Variants in DMD observed in about 807,000 individuals in gnomAD.
DMD encodes the protein dystrophin.
In DMD, 63 loss-of-function variants were observed where a neutral mutation model predicts 330.1. The observed-to-expected ratio is 0.19, with a 90% CI of 0.16 to 0.24. DMD has a LOEUF of 0.24. Ranked by LOEUF, DMD falls within the 10% of genes least tolerant of loss-of-function variation. DMD has a pLI of 1.00. For missense variants in DMD, 3,344 were observed against 2,684.1 expected (o/e 1.25, Z -5.43); for synonymous variants, 1,223 against 959.8 (o/e 1.27, Z -5.07).
chrX:32,358,680 G>A (rs2097817540), intron 37 of DMD, among the ~76,000 whole-genome samples: 1 of 110,864 alleles, frequency 9.0e-6, no homozygotes, highest in East Asian at 2.8e-4. Context: ...TATCTTTAAG[G>A]CTGGTCTTTG....
chrX:33,076,534 G>A (rs1217323806), intron 1 of DMD, among the ~76,000 whole-genome samples: 6 of 110,906 alleles, frequency 5.4e-5, no homozygotes, highest in African/African-American at 2.0e-4. Flanking sequence ...CAGGTTTGTG[G>A]GATATGGGAC....
chrX:32,042,691 T>C (rs7054546), intron 44 of DMD, among the ~76,000 whole-genome samples: 21,334 of 111,429 alleles, frequency 0.19, 1,465 homozygotes, highest in Non-Finnish European at 0.2. Flanking sequence ...TTTAAGAACT[T>C]TAAATATTTT....
At chrX:32,549,940 G>A (rs1194824478) in intron 16 of DMD, among the ~76,000 whole-genome samples, 1 of 112,210 alleles carries the variant, frequency 8.9e-6, no homozygotes, top group South Asian at 3.6e-4. Flanking sequence ...TTCTACCACT[G>A]TCTCCAGTTT....
Position 32,567,105 on chromosome X carries a change from G to A in DMD, c.1813-1224C>T, listed in dbSNP as rs2051814801. Reference sequence around the variant, plus strand: ...AATCTAAGTAGCCCATTTTGGCATGGCACCTGCATTGATAGCTCTGAACTG... The same window carrying A: ...AATCTAAGTAGCCCATTTTGGCATGACACCTGCATTGATAGCTCTGAACTG... On this transcript the variant is annotated intron_variant, in intron 15 of 78. Transcript: ENST00000357033. Among the ~76,000 whole-genome samples the A allele has an allele frequency of 2.7e-5, 3 of 111,431 alleles. No homozygotes were observed. In the South Asian group the frequency reaches 1.1e-3, roughly 42 times the overall value.
intron 1 of DMD, among the ~76,000 whole-genome samples, chrX:33,042,472 G>A (rs1408425024): frequency 8.9e-6 from 1 of 112,164 alleles, no homozygotes; most frequent in East Asian, 2.8e-4. Context: ...TAAAGCCCTA[G>A]TTGTTCTTTT....
At chrX:32,560,266 G>A (rs1157397168) in intron 16 of DMD, among the ~76,000 whole-genome samples, 1 of 108,130 alleles carries the variant, frequency 9.2e-6, no homozygotes, top group Non-Finnish European at 1.9e-5. Flanking sequence ...ATTAAATACA[G>A]TAATTACAAT....
chrX:32,553,733 T>C (rs1371834000), intron 16 of DMD, among the ~76,000 whole-genome samples: 1 of 112,041 alleles, frequency 8.9e-6, no homozygotes, highest in Admixed American at 9.5e-5. Context: ...TTTTATGATA[T>C]GGTTTGGCTC....
intron 53 of DMD, among the ~76,000 whole-genome samples, chrX:31,664,390 A>T (rs1438608053): frequency 8.9e-6 from 1 of 111,745 alleles, no homozygotes. Context: ...CCAAAAGCCA[A>T]TGCCTATGGA....
chrX:32,114,954 T>C (rs927547200), intron 44 of DMD, among the ~76,000 whole-genome samples: 5 of 112,185 alleles, frequency 4.5e-5, no homozygotes, highest in African/African-American at 1.6e-4. Flanking sequence ...ATGAGCTCCA[T>C]ATTGCAAAAC....
chrX:32,811,949 C>T (rs1603433600), intron 6 of DMD, among the ~76,000 whole-genome samples: 1 of 111,778 alleles, frequency 8.9e-6, no homozygotes, highest in South Asian at 3.8e-4. Flanking sequence ...TAATCAAGAC[C>T]TCACAGGCCT....
chrX:33,196,516 C>T (rs751342672), intron 1 of DMD, among the ~76,000 whole-genome samples: 37 of 111,794 alleles, frequency 3.3e-4, no homozygotes, highest in African/African-American at 8.4e-4. Context: ...CATTCACACA[C>T]GCACAAACAT....
chrX:33,032,467 T>A (rs2094132374), intron 1 of DMD, among the ~76,000 whole-genome samples: 1 of 112,352 alleles, frequency 8.9e-6, no homozygotes, highest in African/African-American at 3.2e-5. Flanking sequence ...TAAAATTCAA[T>A]AATGATGGAA....
At chrX:31,912,950 G>T (rs1266698737) in intron 47 of DMD, among the ~76,000 whole-genome samples, 1 of 112,737 alleles carries the variant, frequency 8.9e-6, no homozygotes, top group Admixed American at 9.4e-5. Context: ...CTTTTGGAAG[G>T]CTTCTTCACA....
At chrX:32,764,018 A>C in intron 7 of DMD, among the ~76,000 whole-genome samples, 3 of 111,656 alleles carry the variant, frequency 2.7e-5, no homozygotes, top group Middle Eastern at 9.3e-3. Flanking sequence ...GAAAATCTTT[A>C]AAATGAATAA....
Position 33,140,054 on chromosome X carries a change from T to C in DMD, c.31+71228A>G, listed in dbSNP as rs16990930. ...AGAACAAGATCCTTATATATCACAT[T>C]TCTGCTATCAATAGTTAAGAGTTTT... is the stretch of plus-strand genomic sequence containing the variant. On this transcript the variant is annotated intron_variant, in intron 1 of 78. Transcript: ENST00000357033. Among the ~76,000 whole-genome samples, 889 of 111,183 alleles carry C rather than the reference T, an allele frequency of 8.0e-3. 8 individuals are homozygous for C. Among genetic ancestry groups the C allele is most frequent in the African/African-American group, 0.027 (834 of 30,582 alleles).
At chrX:32,344,400 C>T (rs1017394623) in intron 39 of DMD, among the ~76,000 whole-genome samples, 1 of 111,243 alleles carries the variant, frequency 9.0e-6, no homozygotes, top group Non-Finnish European at 1.9e-5. Flanking sequence ...GTAGTGTTGA[C>T]GATTTTGATT....
chrX:31,763,285 C>T (rs375580654), intron 51 of DMD, among the ~76,000 whole-genome samples: 18 of 112,497 alleles, frequency 1.6e-4, no homozygotes, highest in African/African-American at 5.5e-4. Context: ...TATTGGCAGC[C>T]GGGCACGGTG....
chrX:32,327,573 C>T (rs1217491037), intron 41 of DMD, among the ~76,000 whole-genome samples: 3 of 111,490 alleles, frequency 2.7e-5, no homozygotes, highest in Admixed American at 1.9e-4. Context: ...CCAAAGATTA[C>T]GCTCAATTCT....
intron 55 of DMD, among the ~76,000 whole-genome samples, chrX:31,536,714 C>T (rs1452017737): frequency 8.9e-6 from 1 of 111,739 alleles, no homozygotes; most frequent in Non-Finnish European, 1.9e-5. Context: ...TGCCCATCCT[C>T]CTTCCCTTCT....
Sources: gnomAD v4.1 joint callset for allele counts (sites outside exome capture counted in the v4.1 genomes callset) on GRCh38, gnomAD v4.1.1 for gene constraint, MANE v1.5 for transcripts, NCBI Gene and HGNC (gene_info 2026-07-23, HGNC 2026-07-21) for gene names.